Variants in MGAT4C observed in about 807,000 individuals in gnomAD.
MGAT4C encodes the protein MGAT4 family member C.
In MGAT4C, 19 loss-of-function variants were observed where a neutral mutation model predicts 40.1. The ratio of observed to expected loss-of-function variants is 0.47; its 90% CI spans 0.33 to 0.70. The LOEUF (loss-of-function observed/expected upper bound fraction) is 0.70. Ranked by LOEUF, MGAT4C falls within the 30% of genes least tolerant of loss-of-function variation. MGAT4C has a pLI of 0.02. For missense variants in MGAT4C, 491 were observed against 563.2 expected (o/e 0.87, Z 1.30); for synonymous variants, 181 against 187.1 (o/e 0.97, Z 0.27).
chr12:86,611,017 T>A (rs1323999593), intron 2 of MGAT4C, among the ~76,000 whole-genome samples: 1 of 151,622 alleles, frequency 6.6e-6, no homozygotes, highest in East Asian at 1.9e-4. Flanking sequence ...CTCGCTGTGC[T>A]CAGTCATAGG....
At chr12:86,319,557 T>A (rs1419313666) in intron 4 of MGAT4C, among the ~76,000 whole-genome samples, 1 of 152,202 alleles carries the variant, frequency 6.6e-6, no homozygotes, top group Non-Finnish European at 1.5e-5. Flanking sequence ...TCACTTAGCA[T>A]TTATTTCTGT....
intron 2 of MGAT4C, among the ~76,000 whole-genome samples, chr12:86,613,061 C>T (rs928585043): frequency 6.6e-6 from 1 of 152,062 alleles, no homozygotes; most frequent in Non-Finnish European, 1.5e-5. Flanking sequence ...ATTACATAAT[C>T]TATTTTCCTG....
At chr12:86,246,779 T>C (rs1952051547) in intron 1 of MGAT4C, among the ~76,000 whole-genome samples, 1 of 152,238 alleles carries the variant, frequency 6.6e-6, no homozygotes, top group South Asian at 2.1e-4. Context: ...TGTAAATTGC[T>C]TGAACATGAC....
chr12:86,481,722 A>G (rs1211300258), intron 2 of MGAT4C, among the ~76,000 whole-genome samples: 2 of 151,780 alleles, frequency 1.3e-5, no homozygotes, highest in South Asian at 4.1e-4. Flanking sequence ...AAAATATTTA[A>G]AGTTTCTTTT....
Position 86,350,530 on chromosome 12 carries a change from C to T in MGAT4C, c.-119-16403G>A, listed in dbSNP as rs139522982. ...AAAATGGAAACTATTGACCAATGCC[C>T]GATTCTGTTGCAACTATAGTCTAGA... On this transcript the variant is annotated intron_variant, in intron 3 of 7. Transcript: ENST00000548651. Among the ~76,000 whole-genome samples, 588 of 152,110 alleles carry T rather than the reference C, an allele frequency of 3.9e-3. 3 individuals carry two copies. Among genetic ancestry groups the T allele is most frequent in the Admixed American group, 8.7e-3 (132 of 15,258 alleles).
At chr12:86,128,097 C>T (rs1199620506) in intron 1 of MGAT4C, among the ~76,000 whole-genome samples, 2 of 152,140 alleles carry the variant, frequency 1.3e-5, no homozygotes, top group African/African-American at 4.8e-5. Flanking sequence ...TTGTTTCCAC[C>T]ATTATCATAG....
intron 1 of MGAT4C, among the ~76,000 whole-genome samples, chr12:86,136,273 A>G (rs1357028494): frequency 6.6e-6 from 1 of 152,212 alleles, no homozygotes; most frequent in African/African-American, 2.4e-5. Context: ...AAATGAAACA[A>G]AATAAAACTC....
intron 2 of MGAT4C, among the ~76,000 whole-genome samples, chr12:86,456,837 GCTCT>G (rs1296538949): frequency 2.6e-5 from 4 of 152,066 alleles, no homozygotes; most frequent in Non-Finnish European, 5.9e-5. Flanking sequence ...TGCATTATGA[GCTCT>G]CTATCTTACA....
intron 2 of MGAT4C, among the ~76,000 whole-genome samples, chr12:86,465,671 A>G (rs1254867115): frequency 6.6e-6 from 1 of 152,160 alleles, no homozygotes; most frequent in Admixed American, 6.5e-5. Context: ...AAATTAAAAC[A>G]ACAATCAGAT....
intron 2 of MGAT4C, among the ~76,000 whole-genome samples, chr12:86,572,194 T>C (rs1248217591): frequency 6.6e-6 from 1 of 152,082 alleles, no homozygotes; most frequent in Non-Finnish European, 1.5e-5. Context: ...GAGATTAAAC[T>C]AAAAATGGGA....
intron 1 of MGAT4C, among the ~76,000 whole-genome samples, chr12:86,066,724 C>A (rs138233475): frequency 6.6e-6 from 1 of 152,052 alleles, no homozygotes; most frequent in Non-Finnish European, 1.5e-5. Context: ...TCTAATTAAA[C>A]GAAAGAGTTT....
chr12:85,995,570 A>G (rs1156360636), intron 2 of MGAT4C, among the ~76,000 whole-genome samples: 2 of 152,270 alleles, frequency 1.3e-5, no homozygotes, highest in East Asian at 1.9e-4. Context: ...ACTGGACATT[A>G]AAAAGAATAC....
chr12:86,388,854 T>C (rs1956113162), intron 3 of MGAT4C, among the ~76,000 whole-genome samples: 1 of 151,636 alleles, frequency 6.6e-6, no homozygotes, highest in African/African-American at 2.4e-5. Flanking sequence ...GCTAATTTTT[T>C]TGTATTTTTA....
At chr12:86,021,665 C>A (rs1028575946) in intron 2 of MGAT4C, among the ~76,000 whole-genome samples, 2 of 151,754 alleles carry the variant, frequency 1.3e-5, no homozygotes, top group African/African-American at 4.8e-5. Context: ...GTGTAGCACA[C>A]CAACATGGCA....
rs1293982024 is a variant in MGAT4C at position 85,971,549 on chromosome 12, A to G, written c.*7740T>C. The G allele has an allele frequency of 6.6e-6, 1 of 151,290 alleles. No homozygotes were observed. Among genetic ancestry groups the G allele is most frequent in the African/African-American group, 2.4e-5 (1 of 41,368 alleles). The allele number at this position is 151,290 out of a possible 1,614,324, so 9.4% of individuals were successfully genotyped here. ...GAAAAGTGTTTATCCACTTAGTAAA[A>G]TGGAAAACACTAGAGCTTCAGGTTT... On this transcript the variant is annotated 3_prime_UTR_variant, in exon 5 of 5. Transcript: ENST00000611864.
At chr12:86,629,573 C>A (rs1962955503) in intron 2 of MGAT4C, among the ~76,000 whole-genome samples, 1 of 152,308 alleles carries the variant, frequency 6.6e-6, no homozygotes, top group African/African-American at 2.4e-5. Flanking sequence ...ACAGTGCAAT[C>A]AACTTACAAC....
intron 2 of MGAT4C, among the ~76,000 whole-genome samples, chr12:86,659,578 G>T (rs1351430637): frequency 6.6e-6 from 1 of 152,038 alleles, no homozygotes; most frequent in East Asian, 1.9e-4. Context: ...ATGAAGGGTA[G>T]GATAGTAAGA....
chr12:86,312,188 T>C (rs902436293), intron 4 of MGAT4C, among the ~76,000 whole-genome samples: 5 of 152,196 alleles, frequency 3.3e-5, no homozygotes, highest in Non-Finnish European at 7.3e-5. Flanking sequence ...TACCTACTCT[T>C]TCCCTTGCAC....
intron 3 of MGAT4C, 31 bp from the exon 4 acceptor site, chr12:85,983,701 TATA>T: frequency 1.3e-6 from 2 of 1,484,164 alleles, no homozygotes; most frequent in African/African-American, 2.9e-5. Flanking sequence ...AAGGAAAATA[TATA>T]AATAATAGAT....
Sources: allele counts gnomAD v4.1 joint callset (sites outside exome capture counted in the v4.1 genomes callset), GRCh38; gene constraint gnomAD v4.1.1; transcripts MANE v1.5; gene names NCBI Gene and HGNC (gene_info 2026-07-23, HGNC 2026-07-21).